SNTG2: variants seen among roughly 807,000 people sequenced by gnomAD.
SNTG2 encodes the protein gamma-2-syntrophin.
A neutral mutation model predicts 70.9 loss-of-function variants in SNTG2; 74 were observed. The observed-to-expected ratio is 1.04, with a 90% confidence interval of 0.86 to 1.27. SNTG2 has a LOEUF of 1.27. SNTG2 is among the 50% of genes most tolerant of loss of function. SNTG2 has a pLI of 0.00. For missense variants in SNTG2, 717 were observed against 690.7 expected (o/e 1.04, Z -0.43); for synonymous variants, 278 against 273.8 (o/e 1.02, Z -0.15).
chr2:1,286,376 T>C (rs997215862), intron 14 of SNTG2, among the ~76,000 whole-genome samples: 2 of 152,226 alleles, frequency 1.3e-5, no homozygotes, highest in Non-Finnish European at 2.9e-5. Flanking sequence ...CAAAGTATTG[T>C]CACCTAGTTG....
At chr2:1,266,231 C>T (rs572785097) in intron 13 of SNTG2, among the ~76,000 whole-genome samples, 51 of 152,200 alleles carry the variant, frequency 3.4e-4, no homozygotes, top group East Asian at 1.9e-3. Flanking sequence ...GTATTGAGTG[C>T]GCGTTCACCA....
At chr2:1,075,602 C>T (rs1224380623) in intron 1 of SNTG2, among the ~76,000 whole-genome samples, 4 of 152,114 alleles carry the variant, frequency 2.6e-5, no homozygotes, top group South Asian at 2.1e-4. Flanking sequence ...AACTGAGTGG[C>T]GTTCGTTTTT....
intron 1 of SNTG2, among the ~76,000 whole-genome samples, chr2:1,082,927 C>A (rs1664430023): frequency 6.6e-6 from 1 of 152,224 alleles, no homozygotes; most frequent in African/African-American, 2.4e-5. Context: ...TACTTCCTAG[C>A]AATTCCACAT....
chr2:1,269,059 G>T (rs953652728), intron 14 of SNTG2, among the ~76,000 whole-genome samples: 1 of 152,098 alleles, frequency 6.6e-6, no homozygotes, highest in Non-Finnish European at 1.5e-5. Flanking sequence ...TGGAGGGAGG[G>T]TGAAAGGTTA....
At chr2:1,256,116 A>T (rs1678106320) in intron 12 of SNTG2, among the ~76,000 whole-genome samples, 1 of 151,530 alleles carries the variant, frequency 6.6e-6, no homozygotes, top group South Asian at 2.1e-4. Context: ...GTATATTTTC[A>T]TATAGAAAAC....
chr2:1,124,015 T>G (rs1337361974), intron 4 of SNTG2, among the ~76,000 whole-genome samples: 4 of 142,710 alleles, frequency 2.8e-5, no homozygotes, highest in Non-Finnish European at 4.5e-5. Context: ...GGGCACAGAC[T>G]CTCAGTTGTG....
chr2:1,093,114 G>T (rs1347048678), intron 2 of SNTG2, among the ~76,000 whole-genome samples: 1 of 152,142 alleles, frequency 6.6e-6, no homozygotes, highest in East Asian at 1.9e-4. Flanking sequence ...AGGAGGCCGT[G>T]ATTATGGGGG....
In SNTG2 at chr2:1,168,514, C is replaced by A. The variant is rs1281251749; in HGVS notation, c.499+2879C>A. Reference sequence around the variant, plus strand: ...AGCCACTCCCCCATCACAAGCCCTGCAAGGGGAACAAGTGAACTTTTCCTG... The same window carrying A: ...AGCCACTCCCCCATCACAAGCCCTGAAAGGGGAACAAGTGAACTTTTCCTG... On this transcript the variant is annotated intron_variant, in intron 7 of 16. Coordinates refer to ENST00000308624, the MANE Select transcript of SNTG2 (RefSeq NM_018968.4). 9.2e-5 allele frequency among the ~76,000 whole-genome samples: 14 copies of A among 152,212 alleles called. 1 individual carries two copies. The highest frequency in any genetic ancestry group is 1.5e-5 in the Non-Finnish European group (1 of 68,038).
intron 1 of SNTG2, among the ~76,000 whole-genome samples, chr2:993,957 C>T (rs1231765574): frequency 2.0e-5 from 3 of 151,924 alleles, no homozygotes; most frequent in Non-Finnish European, 4.4e-5. Flanking sequence ...TTTTCATTTT[C>T]TTCAAAGTAT....
intron 11 of SNTG2, among the ~76,000 whole-genome samples, chr2:1,243,251 A>T (rs933956832): frequency 6.6e-6 from 1 of 152,140 alleles, no homozygotes. Context: ...CACTGTGTCA[A>T]CCCGATATAG....
rs1051442235 is a variant in SNTG2, at chr2:1,055,170, G to C, written c.73-28348G>C. On this transcript the variant is annotated intron_variant, in intron 1 of 16. Coordinates refer to ENST00000308624, the MANE Select transcript of SNTG2 (RefSeq NM_018968.4). ...CGTGGCCCTGACTGCAGGGAGCCAA[G>C]AGAGAAGTGGCTTCATGTCATGGGC... Among the ~76,000 whole-genome samples the C allele has an allele frequency of 3.9e-5, 6 of 152,250 alleles. No homozygotes were observed. In the East Asian group the frequency reaches 1.2e-3, roughly 29 times the overall value.
At chr2:1,109,370 G>T (rs1666293317) in intron 4 of SNTG2, among the ~76,000 whole-genome samples, 1 of 152,058 alleles carries the variant, frequency 6.6e-6, no homozygotes, top group South Asian at 2.1e-4. Context: ...GAGAAAGGAT[G>T]ATGAAAACCA....
At chr2:1,015,161 G>GACCT (rs1411923631) in intron 1 of SNTG2, among the ~76,000 whole-genome samples, 1 of 152,132 alleles carries the variant, frequency 6.6e-6, no homozygotes, top group Non-Finnish European at 1.5e-5. Flanking sequence ...CAGGTATCCT[G>GACCT]GTCCCGCAGG....
intron 1 of SNTG2, among the ~76,000 whole-genome samples, chr2:967,204 CTTTTTCTTT>C (rs909050937): frequency 1.3e-5 from 2 of 152,134 alleles, no homozygotes; most frequent in African/African-American, 2.4e-5. Flanking sequence ...AACTGGTACT[CTTTTTCTTT>C]TTTTTCTATT....
chr2:1,171,606 A>C (rs1390821296), intron 7 of SNTG2, among the ~76,000 whole-genome samples: 5 of 152,216 alleles, frequency 3.3e-5, no homozygotes, highest in Admixed American at 3.3e-4. Context: ...TCCACAGCAG[A>C]GTCTTCACCA....
At chr2:1,352,465 A>C (rs1384502892) in intron 16 of SNTG2, among the ~76,000 whole-genome samples, 1 of 152,172 alleles carries the variant, frequency 6.6e-6, no homozygotes, top group African/African-American at 2.4e-5. Flanking sequence ...TCCTCCTAGC[A>C]GCTGGGCCCC....
intron 8 of SNTG2, among the ~76,000 whole-genome samples, chr2:1,179,615 C>G (rs1671722624): frequency 6.6e-6 from 1 of 151,862 alleles, no homozygotes; most frequent in Non-Finnish European, 1.5e-5. Context: ...TAGGAAGAAT[C>G]AATATCGTGA....
intron 1 of SNTG2, among the ~76,000 whole-genome samples, chr2:954,542 C>T (rs1211066398): frequency 6.6e-6 from 1 of 152,106 alleles, no homozygotes; most frequent in Non-Finnish European, 1.5e-5. Context: ...TTTGAATAGT[C>T]GACTTTGGAT....
At chr2:983,345 G>A (rs958682826) in intron 1 of SNTG2, among the ~76,000 whole-genome samples, 1 of 151,768 alleles carries the variant, frequency 6.6e-6, no homozygotes, top group Non-Finnish European at 1.5e-5. Context: ...TGGAAGTCGG[G>A]ATGAAGAAGT....
Sources: allele counts gnomAD v4.1 joint callset (sites outside exome capture counted in the v4.1 genomes callset), GRCh38; gene constraint gnomAD v4.1.1; transcripts MANE v1.5; gene names NCBI Gene and HGNC (gene_info 2026-07-23, HGNC 2026-07-21).